Variants in ALCAM observed in about 807,000 individuals in gnomAD.
ALCAM encodes activated leukocyte cell adhesion molecule.
ALCAM carries 30 observed loss-of-function variants against 70.9 expected under a neutral mutation model. The observed-to-expected ratio is 0.42, with a 90% CI of 0.32 to 0.57. The LOEUF is 0.57. ALCAM is among the 20% of genes least tolerant of loss of function. ALCAM has a pLI of 0.11. For missense variants in ALCAM, 591 were observed against 695.1 expected (o/e 0.85, Z 1.68); for synonymous variants, 249 against 242.5 (o/e 1.03, Z -0.25).
At chr3:105,551,446 C>A (rs1375808805) in intron 12 of ALCAM, among the ~76,000 whole-genome samples, 1 of 151,608 alleles carries the variant, frequency 6.6e-6, no homozygotes, top group Non-Finnish European at 1.5e-5. Context: ...GCCAATTTAG[C>A]ATGTATGAGG....
chr3:105,439,036 C>T (rs79923737), intron 1 of ALCAM, among the ~76,000 whole-genome samples: 1,683 of 152,282 alleles, frequency 0.011, 25 homozygotes, highest in African/African-American at 0.039. Context: ...AAAGCATTTG[C>T]TCTTCCTGCC....
At chr3:105,430,386 T>G (rs934419279) in intron 1 of ALCAM, among the ~76,000 whole-genome samples, 3 of 152,052 alleles carry the variant, frequency 2.0e-5, no homozygotes, top group East Asian at 3.9e-4. Flanking sequence ...TTGTTGAAAC[T>G]TTACATTTTT....
At chr3:105,383,823 T>A (rs1935584798) in intron 1 of ALCAM, among the ~76,000 whole-genome samples, 1 of 151,758 alleles carries the variant, frequency 6.6e-6, no homozygotes, top group South Asian at 2.1e-4. Flanking sequence ...GTGAAGATAC[T>A]AAAACTACTT....
In ALCAM at chr3:105,568,058, A is replaced by AT. The variant is rs34005304; in HGVS notation, c.1665-3790dup. Among the ~76,000 whole-genome samples, 558 of 116,072 alleles carry AT rather than the reference A, an allele frequency of 4.8e-3. 2 individuals carry two copies. Among genetic ancestry groups the AT allele is most frequent in the African/African-American group, 0.012 (399 of 32,866 alleles). 76.1% of individuals were successfully genotyped at this position (116,072 alleles called of 152,430 possible). A position where few individuals can be genotyped will look rare whatever the true frequency, so the allele number is the denominator to read the frequency against. ...TTTATTTTTTTTATTATTTTATTTT[A>AT]TTTTATTTTTTTTTTTTTTTGAGAT... On this transcript the variant is annotated intron_variant, in intron 14 of 15. Coordinates refer to ENST00000306107, the MANE Select transcript of ALCAM (RefSeq NM_001627.4).
chr3:105,425,371 T>G (rs1936764268), intron 1 of ALCAM, among the ~76,000 whole-genome samples: 2 of 151,762 alleles, frequency 1.3e-5, no homozygotes, highest in Non-Finnish European at 1.5e-5. Context: ...TTCCTCATTG[T>G]CCAGAGTGGA....
chr3:105,524,245 C>G (rs1333613766), intron 2 of ALCAM, 44 bp from the exon 3 acceptor site: 1 of 1,462,546 alleles, frequency 6.8e-7, no homozygotes, highest in Non-Finnish European at 9.4e-7. Context: ...CCTGAAACAT[C>G]TGAATATGCT....
intron 1 of ALCAM, among the ~76,000 whole-genome samples, chr3:105,496,266 C>A (rs1281698731): frequency 6.6e-6 from 1 of 151,928 alleles, no homozygotes; most frequent in Non-Finnish European, 1.5e-5. Context: ...TTATATAGAA[C>A]CCAAATGCTT....
chr3:105,503,222 T>G (rs149929548), intron 1 of ALCAM, among the ~76,000 whole-genome samples: 7 of 152,324 alleles, frequency 4.6e-5, no homozygotes, highest in African/African-American at 1.7e-4. Flanking sequence ...CTTTGGACTC[T>G]TCTACTTATT....
chr3:105,491,339 A>G (rs1938580516), intron 1 of ALCAM, among the ~76,000 whole-genome samples: 1 of 152,202 alleles, frequency 6.6e-6, no homozygotes, highest in African/African-American at 2.4e-5. Flanking sequence ...CTGACATGCC[A>G]TGGAGACATT....
In ALCAM at chr3:105,558,877, A is replaced by G. The variant is rs756154944; in HGVS notation, c.1664+6292A>G. ...ACGAGGAAATCCTGTTGTTTCCCCT[A>G]TTTATAGATGAACAAGCATGCTTAA... On this transcript the variant is annotated intron_variant, in intron 14 of 15. Coordinates refer to ENST00000306107, the MANE Select transcript of ALCAM (RefSeq NM_001627.4). 7.6e-4 allele frequency among the ~76,000 whole-genome samples: 115 copies of G among 151,948 alleles called. 1 individual carries two copies. Among genetic ancestry groups the G allele is most frequent in the South Asian group, 2.1e-4 (1 of 4,830 alleles).
intron 1 of ALCAM, among the ~76,000 whole-genome samples, chr3:105,377,224 T>G (rs1182047045): frequency 6.6e-6 from 1 of 152,162 alleles, no homozygotes; most frequent in Non-Finnish European, 1.5e-5. Context: ...CTATCATCAT[T>G]AATGTAACCA....
At chr3:105,459,763 C>A (rs527283256) in intron 1 of ALCAM, among the ~76,000 whole-genome samples, 2 of 152,148 alleles carry the variant, frequency 1.3e-5, no homozygotes, top group South Asian at 2.1e-4. Context: ...ATGATGACAT[C>A]ATTGCTGTGT....
chr3:105,428,358 T>C (rs11718405), intron 1 of ALCAM, among the ~76,000 whole-genome samples: 22,711 of 151,924 alleles, frequency 0.15, 1,807 homozygotes, highest in Middle Eastern at 0.19. Context: ...TTCACCCTTA[T>C]AGCCCTAAAC....
At chr3:105,484,838 C>T (rs1229239822) in intron 1 of ALCAM, among the ~76,000 whole-genome samples, 2 of 152,022 alleles carry the variant, frequency 1.3e-5, no homozygotes, top group African/African-American at 2.4e-5. Flanking sequence ...TCTTCTCAGC[C>T]AGAAAAACAA....
intron 1 of ALCAM, among the ~76,000 whole-genome samples, chr3:105,498,539 T>C (rs924527288): frequency 2.6e-5 from 4 of 152,138 alleles, no homozygotes; most frequent in Non-Finnish European, 4.4e-5. Context: ...TCTTTCTCTT[T>C]ATTAGTATAA....
chr3:105,562,616 T>C (rs1940649626), intron 14 of ALCAM, among the ~76,000 whole-genome samples: 1 of 152,168 alleles, frequency 6.6e-6, no homozygotes, highest in Admixed American at 6.5e-5. Flanking sequence ...AACATTCCCA[T>C]CAAGTTTTGG....
At chr3:105,521,307 CAAAAAAAAA>C (rs3996196) in intron 2 of ALCAM, among the ~76,000 whole-genome samples, 1 of 78,148 alleles carries the variant, frequency 1.3e-5, no homozygotes, top group African/African-American at 5.4e-5. Flanking sequence ...GACTCCGTCT[CAAAAAAAAA>C]AAAAAAAAAA....
intron 14 of ALCAM, among the ~76,000 whole-genome samples, chr3:105,558,790 C>T (rs16851303): frequency 0.17 from 25,855 of 151,946 alleles, 2,684 homozygotes; most frequent in East Asian, 0.45. Context: ...TTGGTGAGTC[C>T]CTGCATGTAA....
At chr3:105,540,500 G>T (rs1225974876) in intron 7 of ALCAM, among the ~76,000 whole-genome samples, 1 of 151,990 alleles carries the variant, frequency 6.6e-6, no homozygotes, top group Non-Finnish European at 1.5e-5. Context: ...AGTAGGGATA[G>T]TTCTGTTGCA....
Sources: allele counts gnomAD v4.1 joint callset (sites outside exome capture counted in the v4.1 genomes callset), GRCh38; gene constraint gnomAD v4.1.1; transcripts MANE v1.5; gene names NCBI Gene and HGNC (gene_info 2026-07-23, HGNC 2026-07-21).